ALDH1L1: variants seen among roughly 807,000 people sequenced by gnomAD.
The protein encoded by ALDH1L1 is cytosolic 10-formyltetrahydrofolate dehydrogenase.
In ALDH1L1, 68 loss-of-function variants were observed where a neutral mutation model predicts 101.1. The observed-to-expected ratio is 0.67, with a 90% CI of 0.55 to 0.82. The LOEUF (loss-of-function observed/expected upper bound fraction) is 0.82, where lower values mean the gene tolerates loss of function less well. Ranked by LOEUF, ALDH1L1 falls within the 40% of genes least tolerant of loss-of-function variation. ALDH1L1 has a pLI of 0.00. For missense variants in ALDH1L1, 1,087 were observed against 1,172.7 expected (o/e 0.93, Z 1.07); for synonymous variants, 486 against 470.8 (o/e 1.03, Z -0.42).
At chr3:126,144,536 GA>G (rs1310200161) in intron 9 of ALDH1L1, among the ~76,000 whole-genome samples, 1 of 152,118 alleles carries the variant, frequency 6.6e-6, no homozygotes, top group Non-Finnish European at 1.5e-5. Flanking sequence ...AGATAGCCTA[GA>G]AATAAACCTA....
chr3:126,170,206 C>T (rs1375579751), intron 1 of ALDH1L1, among the ~76,000 whole-genome samples: 2 of 152,000 alleles, frequency 1.3e-5, no homozygotes, highest in Non-Finnish European at 2.9e-5. Flanking sequence ...CTATTAAAAC[C>T]TTTTTTAATG....
chr3:126,115,372 GGA>G (rs2079940532), intron 17 of ALDH1L1: 1 of 276,058 alleles, frequency 3.6e-6, no homozygotes, highest in Non-Finnish European at 7.2e-6. Context: ...AGCAACCCAG[GGA>G]GATGGCACCC....
intron 1 of ALDH1L1, among the ~76,000 whole-genome samples, chr3:126,163,884 A>G (rs1314678712): frequency 6.6e-6 from 1 of 152,200 alleles, no homozygotes; most frequent in African/African-American, 2.4e-5. Context: ...CTGCAACCCC[A>G]GCACGTTGGG....
At chr3:126,175,404 A>G (rs2108333565) in intron 1 of ALDH1L1, among the ~76,000 whole-genome samples, 2 of 152,294 alleles carry the variant, frequency 1.3e-5, no homozygotes, top group Middle Eastern at 3.4e-3. Context: ...AACCAGAAAC[A>G]TTACAAGAAA....
Position 126,112,642 on chromosome 3 carries a change from C to G in ALDH1L1, c.2181+140G>C, listed in dbSNP as rs181645076. ...TCAGCACAGCTCCCGCTGTGGGTTC[C>G]CTGACCCCCGGGGGGAGTGTCCTCC... On this transcript the variant is annotated intron_variant, in intron 19 of 22. Transcript: ENST00000393434. The G allele has an allele frequency of 2.0e-3, 1,443 of 739,392 alleles. 1 individual carries two copies. Among genetic ancestry groups the G allele is most frequent in the Non-Finnish European group, 2.5e-3 (1,115 of 441,412 alleles). The allele number at this position is 739,392 out of a possible 1,614,324, so 45.8% of individuals were successfully genotyped here.
chr3:126,129,138 A>G (rs1323238515), intron 14 of ALDH1L1: 1 of 152,364 alleles, frequency 6.6e-6, no homozygotes, highest in Non-Finnish European at 1.5e-5. Flanking sequence ...GGGACCCTGG[A>G]GGCGATGCCT....
At chr3:126,191,056 C>A (rs369359236) in intron 1 of ALDH1L1, among the ~76,000 whole-genome samples, 3 of 152,138 alleles carry the variant, frequency 2.0e-5, no homozygotes, top group Non-Finnish European at 4.4e-5. Context: ...AAACAAATGT[C>A]GCCTTGGGAT....
chr3:126,178,170 C>T (rs550484675), intron 1 of ALDH1L1, among the ~76,000 whole-genome samples: 1 of 152,236 alleles, frequency 6.6e-6, no homozygotes, highest in South Asian at 2.1e-4. Flanking sequence ...CACTTGAGCC[C>T]TTGAGTTCAA....
chr3:126,123,250 C>T (rs1354717122), intron 16 of ALDH1L1, among the ~76,000 whole-genome samples: 2 of 132,420 alleles, frequency 1.5e-5, no homozygotes, highest in Middle Eastern at 3.8e-3. Context: ...GAGGTATCAC[C>T]AAAACTCTTT....
chr3:126,160,648 G>A (rs2081025122), intron 2 of ALDH1L1, among the ~76,000 whole-genome samples: 1 of 152,190 alleles, frequency 6.6e-6, no homozygotes, highest in Non-Finnish European at 1.5e-5. Context: ...TGATCAGGTG[G>A]GGAGGGGATC....
At chr3:126,124,254 C>A (rs1483191489) in intron 16 of ALDH1L1, 110 bp downstream of exon 16, 3 of 977,794 alleles carry the variant, frequency 3.1e-6, no homozygotes, top group Non-Finnish European at 3.0e-6. Context: ...CCCGCCTGGG[C>A]TCTCCCCAGG....
chr3:126,160,530 A>C (rs1367320180), intron 2 of ALDH1L1: 2 of 285,568 alleles, frequency 7.0e-6, no homozygotes, highest in East Asian at 1.5e-4. Flanking sequence ...AGTTCAGAAC[A>C]TGGAGACCTT....
At chr3:126,181,590 C>G (rs2108348713), upstream of ALDH1L1, 1 of 156,784 alleles carries the variant, frequency 6.4e-6, no homozygotes, top group Non-Finnish European at 1.4e-5. Flanking sequence ...CTCAGCCACT[C>G]CCTGCCACAT....
intron 1 of ALDH1L1, among the ~76,000 whole-genome samples, chr3:126,175,056 A>C (rs570571262): frequency 1.3e-5 from 2 of 152,246 alleles, no homozygotes; most frequent in African/African-American, 4.8e-5. Context: ...AAAATGAAAG[A>C]AGGGCCATCA....
At chr3:126,161,524 G>C (rs372116745) in intron 1 of ALDH1L1, among the ~76,000 whole-genome samples, 2 of 152,212 alleles carry the variant, frequency 1.3e-5, no homozygotes, top group African/African-American at 4.8e-5. Context: ...AAAGGGGCCT[G>C]CGTGGGGGCG....
At chr3:126,118,706 G>A (rs924503550) in intron 16 of ALDH1L1, among the ~76,000 whole-genome samples, 9 of 152,122 alleles carry the variant, frequency 5.9e-5, no homozygotes, top group African/African-American at 1.9e-4. Flanking sequence ...GCAGGGGCTC[G>A]AACAGAGACC....
At chr3:126,186,164 G>C (rs1312264651), upstream of ALDH1L1, among the ~76,000 whole-genome samples, 1 of 152,148 alleles carries the variant, frequency 6.6e-6, no homozygotes, top group Non-Finnish European at 1.5e-5. Context: ...CTAAAGAATA[G>C]TTAAAATGGT....
intron 20 of ALDH1L1, 24 bp downstream of exon 20, chr3:126,109,920 C>T (rs369739118): frequency 4.5e-5 from 73 of 1,611,378 alleles, no homozygotes; most frequent in African/African-American, 2.1e-4. Context: ...TTGACCCAAG[C>T]GGACCTGACA....
chr3:126,137,302 C>T (rs1295647231), intron 10 of ALDH1L1, among the ~76,000 whole-genome samples: 1 of 152,178 alleles, frequency 6.6e-6, no homozygotes, highest in Non-Finnish European at 1.5e-5. Flanking sequence ...GTCATTTGTC[C>T]TCAATCCCAA....
Sources: gnomAD v4.1 joint callset for allele counts (sites outside exome capture counted in the v4.1 genomes callset) on GRCh38, gnomAD v4.1.1 for gene constraint, MANE v1.5 for transcripts, NCBI Gene and HGNC (gene_info 2026-07-23, HGNC 2026-07-21) for gene names.